STXBP5L: variants seen among roughly 807,000 people sequenced by gnomAD.
STXBP5L encodes syntaxin binding protein 5L, also known as syntaxin-binding protein 5-like.
Under a neutral mutation model 144.5 loss-of-function variants are expected in STXBP5L, and 65 were observed. The ratio of observed to expected loss-of-function variants is 0.45; its 90% CI spans 0.37 to 0.55. STXBP5L has a LOEUF of 0.55. STXBP5L is among the 20% of genes least tolerant of loss of function. STXBP5L has a pLI of 0.00. For synonymous variants in STXBP5L, 505 were observed against 469.6 expected, an observed-to-expected ratio of 1.08 and a Z score of -0.97; for missense variants, 1,298 against 1,405.5, an observed-to-expected ratio of 0.92 and a Z score of 1.22.
At chr3:121,390,092 T>G (rs1354995200) in intron 22 of STXBP5L, among the ~76,000 whole-genome samples, 2 of 152,248 alleles carry the variant, frequency 1.3e-5, no homozygotes, top group Non-Finnish European at 2.9e-5. Context: ...CATATATATT[T>G]AGGAAAGTTA....
intron 20 of STXBP5L, among the ~76,000 whole-genome samples, chr3:121,375,453 G>A (rs752446146): frequency 3.3e-5 from 5 of 152,144 alleles, no homozygotes; most frequent in Non-Finnish European, 7.4e-5. Context: ...GACAGTAAGT[G>A]AGCAACTCTG....
At chr3:121,140,372 A>G (rs886840470) in intron 7 of STXBP5L, among the ~76,000 whole-genome samples, 9 of 152,306 alleles carry the variant, frequency 5.9e-5, no homozygotes, top group African/African-American at 2.2e-4. Flanking sequence ...GTGATCCAGC[A>G]ATACCACTAC....
chr3:121,370,392 C>A (rs1239663898), intron 20 of STXBP5L, among the ~76,000 whole-genome samples: 1 of 152,098 alleles, frequency 6.6e-6, no homozygotes, highest in African/African-American at 2.4e-5. Flanking sequence ...GCACCTCCCC[C>A]ATTCCTCCTA....
At chr3:121,400,025 A>G (rs1385250970) in intron 22 of STXBP5L, among the ~76,000 whole-genome samples, 2 of 152,230 alleles carry the variant, frequency 1.3e-5, no homozygotes, top group Non-Finnish European at 2.9e-5. Context: ...TGCTGAGTCT[A>G]CAAAAATGAA....
chr3:121,231,141 A>G (rs1459148126), intron 11 of STXBP5L, among the ~76,000 whole-genome samples: 1 of 152,098 alleles, frequency 6.6e-6, no homozygotes, highest in Non-Finnish European at 1.5e-5. Flanking sequence ...TAATATGCAC[A>G]TTGTGGCCTC....
At chr3:121,103,708 T>G (rs373035890) in intron 5 of STXBP5L, among the ~76,000 whole-genome samples, 18 of 152,160 alleles carry the variant, frequency 1.2e-4, no homozygotes, top group African/African-American at 3.6e-4. Context: ...TAAGACAGTA[T>G]AGAGAATATA....
chr3:121,257,236 G>A lies in STXBP5L; in HGVS notation c.1735G>A (p.Asp579Asn), dbSNP rs2050237321. 6.2e-7 allele frequency: 1 copy of A among 1,613,732 alleles called. No homozygotes were observed. The highest frequency in any genetic ancestry group is 1.7e-5 in the Admixed American group (1 of 59,980). ...PEPETSPPFPDLSAQLPSSRS... is the reference protein window; with the variant it reads ...PEPETSPPFPNLSAQLPSSRS... ...ACCAGAAACAAGTCCTCCGTTTCCA[G>A]ATCTCTCAGCCCAGCTTCCTTCTTC... The change falls in exon 17 of 27, where the codon GAT (aspartate) becomes AAT (asparagine). Residue 579 changes from aspartate (D) to asparagine (N), a missense_variant. Physicochemically the swap from Asp to Asn is conservative, Grantham distance 23. Coordinates refer to ENST00000471454, the MANE Select transcript of STXBP5L (RefSeq NM_001308330.2).
At chr3:121,272,598 T>C (rs1462551979) in intron 18 of STXBP5L, among the ~76,000 whole-genome samples, 1 of 152,202 alleles carries the variant, frequency 6.6e-6, no homozygotes, top group Admixed American at 6.5e-5. Context: ...TTGGAGAATT[T>C]AAACAATTTA....
At chr3:121,069,113 A>G (rs1432525717) in intron 5 of STXBP5L, among the ~76,000 whole-genome samples, 1 of 152,130 alleles carries the variant, frequency 6.6e-6, no homozygotes, top group African/African-American at 2.4e-5. Context: ...CACCACAAAG[A>G]TTGTTCTTGT....
At chr3:121,277,790 T>C (rs1031921626) in intron 18 of STXBP5L, among the ~76,000 whole-genome samples, 5 of 152,080 alleles carry the variant, frequency 3.3e-5, no homozygotes, top group African/African-American at 1.2e-4. Flanking sequence ...AATCTGTAGC[T>C]AATTTGTCTC....
At chr3:121,313,248 G>A (rs1188566961) in intron 19 of STXBP5L, among the ~76,000 whole-genome samples, 14 of 129,112 alleles carry the variant, frequency 1.1e-4, no homozygotes, top group Non-Finnish European at 1.5e-4. Flanking sequence ...CGGACGGGGC[G>A]GCTGGCCGGG....
At chr3:121,143,461 G>T (rs904415865) in intron 7 of STXBP5L, among the ~76,000 whole-genome samples, 1 of 151,718 alleles carries the variant, frequency 6.6e-6, no homozygotes, top group Non-Finnish European at 1.5e-5. Flanking sequence ...CCAAGAGCAC[G>T]TTAAAATAAT....
At chr3:121,180,401 C>G (rs185055130) in intron 9 of STXBP5L, among the ~76,000 whole-genome samples, 1 of 152,168 alleles carries the variant, frequency 6.6e-6, no homozygotes, top group Admixed American at 6.5e-5. Context: ...GAATTTGCCA[C>G]TACTACACCA....
At chr3:121,203,987 C>T (rs946295343) in intron 9 of STXBP5L, among the ~76,000 whole-genome samples, 6 of 152,210 alleles carry the variant, frequency 3.9e-5, no homozygotes, top group Middle Eastern at 3.4e-3. Context: ...GCCTGTAATC[C>T]CAGCACTTTG....
intron 9 of STXBP5L, among the ~76,000 whole-genome samples, chr3:121,205,496 G>A (rs1210620288): frequency 6.6e-6 from 1 of 152,132 alleles, no homozygotes; most frequent in African/African-American, 2.4e-5. Context: ...TTGCATTGGG[G>A]ATTAAGTTTC....
At chr3:121,071,717 T>C (rs1682070883) in intron 5 of STXBP5L, among the ~76,000 whole-genome samples, 1 of 152,240 alleles carries the variant, frequency 6.6e-6, no homozygotes, top group South Asian at 2.1e-4. Context: ...TCTGTGAGGC[T>C]AACAGGTATT....
intron 20 of STXBP5L, among the ~76,000 whole-genome samples, chr3:121,352,533 TG>T (rs2045331437): frequency 6.6e-6 from 1 of 152,160 alleles, no homozygotes; most frequent in Admixed American, 6.5e-5. Flanking sequence ...ACATTGATTT[TG>T]TATCCAGAGA....
At chr3:120,999,331 C>G (rs140482579) in intron 3 of STXBP5L, among the ~76,000 whole-genome samples, 1 of 152,196 alleles carries the variant, frequency 6.6e-6, no homozygotes, top group African/African-American at 2.4e-5. Flanking sequence ...GAGATTACAC[C>G]TTCCTTGTTA....
At chr3:121,007,820 A>G (rs1330746862) in intron 3 of STXBP5L, among the ~76,000 whole-genome samples, 1 of 152,030 alleles carries the variant, frequency 6.6e-6, no homozygotes, top group Non-Finnish European at 1.5e-5. Flanking sequence ...CAGGATACTG[A>G]CAGCATCTTC....
Sources: gnomAD v4.1 joint callset for allele counts (sites outside exome capture counted in the v4.1 genomes callset) on GRCh38, gnomAD v4.1.1 for gene constraint, MANE v1.5 for transcripts, NCBI Gene and HGNC (gene_info 2026-07-23, HGNC 2026-07-21) for gene names.